Variants in NR6A1 observed in about 807,000 individuals in gnomAD.
The protein encoded by NR6A1 is retinoic acid receptor-related testis-associated receptor.
NR6A1 carries 7 observed loss-of-function variants against 59.1 expected under a neutral mutation model. The ratio of observed to expected loss-of-function variants is 0.12; its 90% CI spans 0.07 to 0.22. The LOEUF (loss-of-function observed/expected upper bound fraction) is 0.22. NR6A1 is among the 10% of genes least tolerant of loss of function. The probability of loss-of-function intolerance (pLI) is 1.00; values close to 1 mark genes in which losing one functional copy is unlikely to be tolerated. For missense variants in NR6A1, 468 were observed against 611.6 expected, an observed-to-expected ratio of 0.77 and a Z score of 2.48; for synonymous variants, 243 against 236.1, an observed-to-expected ratio of 1.03 and a Z score of -0.27.
chr9:124,739,683 A>G (rs1840121061), intron 1 of NR6A1, among the ~76,000 whole-genome samples: 2 of 152,246 alleles, frequency 1.3e-5, no homozygotes, highest in African/African-American at 4.8e-5. Context: ...GGCTATCATG[A>G]GAGATTAAAA....
rs1832740204 is a variant in NR6A1, at chr9:124,518,771, T to TA, written c.*3933dup. The TA allele has an allele frequency of 6.6e-6, 1 of 150,910 alleles. No homozygotes were observed. The highest frequency in any genetic ancestry group is 6.6e-5 in the Admixed American group (1 of 15,224). The allele number at this position is 150,910 out of a possible 1,614,324, so 9.3% of individuals were successfully genotyped here. A position where few individuals can be genotyped will look rare whatever the true frequency, so the allele number is the denominator to read the frequency against. On this transcript the variant is annotated 3_prime_UTR_variant, in exon 10 of 10. Transcript: ENST00000487099. The stretch of plus-strand genomic sequence containing the variant: ...TTGTTTTTTGGGTTTTTTTTTTTTT[T>TA]ACTTTAAAAAAATCAATTAAAAATT...
chr9:124,712,222 T>C (rs544333072), intron 2 of NR6A1, among the ~76,000 whole-genome samples: 1 of 152,308 alleles, frequency 6.6e-6, no homozygotes, highest in African/African-American at 2.4e-5. Flanking sequence ...AGAAAGCCTA[T>C]TAGTTGGTTT....
At chr9:124,654,823 G>A (rs1001582342) in intron 2 of NR6A1, among the ~76,000 whole-genome samples, 1 of 144,382 alleles carries the variant, frequency 6.9e-6, no homozygotes, top group East Asian at 2.1e-4. Flanking sequence ...CCTTTGTTTT[G>A]TTCCTGATAC....
chr9:124,771,172 C>A lies in NR6A1; in HGVS notation c.-53G>T. 9.6e-7 allele frequency: 1 copy of A among 1,040,846 alleles called. No homozygotes were observed. The highest frequency in any genetic ancestry group is 1.2e-6 in the Non-Finnish European group (1 of 813,224). The allele number at this position is 1,040,846 out of a possible 1,614,324, so 64.5% of individuals were successfully genotyped here. Reference sequence around the variant, plus strand: ...TTTGTTGCTCCGCCATGACCGGCGCCCTAGTCGCCGTGGTCGTCGTCCGCC... The same window carrying A: ...TTTGTTGCTCCGCCATGACCGGCGCACTAGTCGCCGTGGTCGTCGTCCGCC... On this transcript the variant is annotated 5_prime_UTR_variant, in exon 1 of 10. Coordinates refer to ENST00000487099, the MANE Select transcript of NR6A1 (RefSeq NM_033334.4).
intron 2 of NR6A1, among the ~76,000 whole-genome samples, chr9:124,571,208 C>T (rs1834428721): frequency 6.6e-6 from 1 of 152,140 alleles, no homozygotes; most frequent in African/African-American, 2.4e-5. Context: ...GGGAAGAGTA[C>T]AGACAAAAGG....
chr9:124,645,931 G>A (rs532391537), intron 2 of NR6A1, among the ~76,000 whole-genome samples: 28 of 152,186 alleles, frequency 1.8e-4, no homozygotes, highest in African/African-American at 5.8e-4. Flanking sequence ...TTTGCTCTCA[G>A]ACCACAATGG....
chr9:124,738,433 A>T (rs1231339408), intron 1 of NR6A1, among the ~76,000 whole-genome samples: 1 of 152,220 alleles, frequency 6.6e-6, no homozygotes, highest in Non-Finnish European at 1.5e-5. Flanking sequence ...AATTGCTTTC[A>T]AAAGGAAAAG....
At position 124,771,094 on chromosome 9, in the gene NR6A1, C is replaced by T. The variant is rs1260254511; in HGVS notation, c.26G>A (p.Ser9Asn). MERDEPPPSGGGGGGGSAG... is the reference protein window; with the variant it reads MERDEPPPNGGGGGGGSAG... ...CGAGCCCCCGCCGCCTCCCCCTCCG[C>T]TAGGCGGCGGTTCGTCCCGCTCCAT... is the stretch of plus-strand genomic sequence containing the variant. Residue 9 changes from serine to asparagine, a missense_variant, in exon 1 of 10, where the codon AGC becomes AAC. Physicochemically the swap from Ser to Asn is conservative, Grantham distance 46 (BLOSUM62 1). This residue lies in a region of NR6A1 where 75 missense variants were observed against 65.6 expected (regional missense o/e 1.14). Coordinates refer to ENST00000487099, the MANE Select transcript of NR6A1 (RefSeq NM_033334.4). 44 of 1,230,104 alleles carry T rather than the reference C, an allele frequency of 3.6e-5. 1 individual carries two copies. Among genetic ancestry groups the T allele is most frequent in the Non-Finnish European group, 4.3e-5 (42 of 986,748 alleles). The allele number at this position is 1,230,104 out of a possible 1,614,324, so 76.2% of individuals were successfully genotyped here.
At chr9:124,675,185 C>T (rs1481277590) in intron 2 of NR6A1, among the ~76,000 whole-genome samples, 1 of 152,188 alleles carries the variant, frequency 6.6e-6, no homozygotes, top group Admixed American at 6.5e-5. Flanking sequence ...AAATCCTATG[C>T]TTGTTCTTAC....
chr9:124,633,632 A>C (rs936211977), intron 2 of NR6A1, among the ~76,000 whole-genome samples: 2 of 152,180 alleles, frequency 1.3e-5, no homozygotes, highest in Non-Finnish European at 2.9e-5. Context: ...CTAGGTCCTC[A>C]ATGACATCCA....
chr9:124,734,930 C>T (rs768720277), intron 1 of NR6A1, among the ~76,000 whole-genome samples: 17 of 152,100 alleles, frequency 1.1e-4, no homozygotes, highest in African/African-American at 2.4e-4. Flanking sequence ...GCAACCTCCG[C>T]GCCTCCTGGT....
At chr9:124,547,957 A>G (rs1307220345) in intron 3 of NR6A1, among the ~76,000 whole-genome samples, 1 of 152,198 alleles carries the variant, frequency 6.6e-6, no homozygotes, top group African/African-American at 2.4e-5. Context: ...TGCTAATAAG[A>G]TAGTACTGTG....
At chr9:124,558,372 C>A (rs1833985770) in intron 2 of NR6A1, among the ~76,000 whole-genome samples, 1 of 152,030 alleles carries the variant, frequency 6.6e-6, no homozygotes, top group African/African-American at 2.4e-5. Flanking sequence ...TACTGCCTGC[C>A]ATGTTCTGTT....
At chr9:124,742,470 A>G (rs1259961792) in intron 1 of NR6A1, among the ~76,000 whole-genome samples, 2 of 152,162 alleles carry the variant, frequency 1.3e-5, no homozygotes, top group East Asian at 3.9e-4. Context: ...CTGAGGCAGG[A>G]GAATTGCTTG....
chr9:124,630,196 G>C (rs989196825), intron 2 of NR6A1, among the ~76,000 whole-genome samples: 3 of 145,566 alleles, frequency 2.1e-5, no homozygotes, highest in African/African-American at 5.1e-5. Context: ...CTGAACTCCA[G>C]TTCCTCCAAA....
chr9:124,549,297 G>C (rs1248548581), intron 3 of NR6A1, among the ~76,000 whole-genome samples: 2 of 152,204 alleles, frequency 1.3e-5, no homozygotes, highest in Non-Finnish European at 2.9e-5. Flanking sequence ...AACATCACTG[G>C]GTTTTTGAAG....
chr9:124,660,047 A>T lies in NR6A1; in HGVS notation c.142+73261T>A, dbSNP rs370677630. 1.2e-3 allele frequency among the ~76,000 whole-genome samples: 176 copies of T among 152,340 alleles called. 2 individuals carry two copies. The highest frequency in any genetic ancestry group is 3.8e-3 in the African/African-American group (156 of 41,584). On this transcript the variant is annotated intron_variant, in intron 2 of 9. Transcript: ENST00000487099. ...GGATTTTTCCCTTCATGGGTTGGAAAGTATTTTAAAGGGTTGTTTTCTTGA... is the reference window on the plus strand; with the variant it reads ...GGATTTTTCCCTTCATGGGTTGGAATGTATTTTAAAGGGTTGTTTTCTTGA...
intron 2 of NR6A1, among the ~76,000 whole-genome samples, chr9:124,609,348 T>C (rs965380623): frequency 2.0e-5 from 3 of 152,168 alleles, no homozygotes; most frequent in Non-Finnish European, 4.4e-5. Context: ...TCTCCCAGCA[T>C]CATTTATTAA....
intron 2 of NR6A1, chr9:124,607,113 C>T (rs1322048528): frequency 6.6e-6 from 1 of 152,198 alleles, no homozygotes; most frequent in African/African-American, 2.4e-5. Flanking sequence ...CCCATTCTCT[C>T]AAGCTCAGGA....
Sources: allele counts gnomAD v4.1 joint callset (sites outside exome capture counted in the v4.1 genomes callset), GRCh38; gene constraint gnomAD v4.1.1; regional missense constraint gnomAD v4.1.1; transcripts MANE v1.5; gene names NCBI Gene and HGNC (gene_info 2026-07-23, HGNC 2026-07-21).